Variants in WDR31 observed in about 807,000 individuals in gnomAD.
WDR31 encodes WD repeat domain 31, also known as WD repeat-containing protein 31.
WDR31 carries 30 observed loss-of-function variants against 47.3 expected under a neutral mutation model. That is an observed-to-expected ratio of 0.63 (90% CI 0.47 to 0.86). The LOEUF is 0.86. WDR31 is among the 40% of genes least tolerant of loss of function. The pLI, the probability that WDR31 is intolerant of heterozygous loss-of-function variation, is 0.00. For synonymous variants in WDR31, 137 were observed against 159.4 expected, an observed-to-expected ratio of 0.86 and a Z score of 1.06; for missense variants, 406 against 442.9, an observed-to-expected ratio of 0.92 and a Z score of 0.75.
chr9:113,339,303 G>A (rs576295689), intron 1 of WDR31, among the ~76,000 whole-genome samples: 1 of 152,320 alleles, frequency 6.6e-6, no homozygotes, highest in East Asian at 1.9e-4. Context: ...TCAGAGGGCT[G>A]TGACTTGCTG....
chr9:113,320,183 T>C (rs934525051), intron 9 of WDR31, among the ~76,000 whole-genome samples, 174 bp downstream of exon 9: 6 of 152,202 alleles, frequency 3.9e-5, no homozygotes, highest in Admixed American at 2.0e-4. Flanking sequence ...GCCTCCCCTA[T>C]GAATGTTTCT....
Position 113,320,471 on chromosome 9 carries a change from T to C in WDR31, c.666A>G (p.Val222=). 6.2e-7 allele frequency: 1 copy of C among 1,614,182 alleles called. No homozygotes were observed. Among genetic ancestry groups the C allele is most frequent in the Non-Finnish European group, 8.5e-7 (1 of 1,180,006 alleles). ...GCTGCTTTGCAGGAAACATATGAGC[T>C]ACCTGCAGCCCCCGACTGTCCCATA... ...LRLWDSRGLQ[V]AHMFPAKQHI... The change falls in exon 9 of 11, where the codon GTA becomes GTG. Residue 222 remains valine (V), a synonymous_variant. Transcript: ENST00000374193.
At chr9:113,322,768 C>A in intron 7 of WDR31, 43 bp downstream of exon 7, 3 of 1,594,620 alleles carry the variant, frequency 1.9e-6, no homozygotes, top group Non-Finnish European at 2.6e-6. Flanking sequence ...TCACCCCATG[C>A]TCCTTTCTGC....
intron 1 of WDR31, among the ~76,000 whole-genome samples, chr9:113,338,601 G>A (rs10114352): frequency 0.022 from 3,371 of 150,904 alleles, 133 homozygotes; most frequent in African/African-American, 0.077. Flanking sequence ...ATGAAGAGTC[G>A]GCTTGGTGGT....
chr9:113,320,525 G>T (rs1343422325), intron 8 of WDR31, 27 bp from the exon 9 acceptor site: 7 of 1,607,682 alleles, frequency 4.4e-6, no homozygotes, highest in Non-Finnish European at 5.1e-6. Context: ...CAGGAAATTA[G>T]CTTGTAGTAA....
chr9:113,317,305 G>C (rs1380837188), intron 10 of WDR31, among the ~76,000 whole-genome samples: 1 of 152,116 alleles, frequency 6.6e-6, no homozygotes, highest in Admixed American at 6.5e-5. Context: ...GAGGATAATG[G>C]GAGAGCCCGA....
Position 113,332,144 on chromosome 9 carries a change from ATGCTTT to A in WDR31, c.-28-100_-28-95del, listed in dbSNP as rs935270664. The A allele has an allele frequency of 5.2e-5, 46 of 880,904 alleles. No homozygotes were observed. In the African/African-American group the frequency reaches 7.1e-4, roughly 14 times the overall value. 54.6% of individuals were successfully genotyped at this position (880,904 alleles called of 1,614,324 possible). On this transcript the variant is annotated intron_variant, in intron 2 of 10. Transcript: ENST00000374193. ...ATCCTTTTTTAGACTAATTAATTGT[ATGCTTT>A]TGCTTTTCCTCCTCACCCTGCTTCA...
chr9:113,326,207 G>A (rs543139605), intron 5 of WDR31, among the ~76,000 whole-genome samples: 14 of 152,122 alleles, frequency 9.2e-5, no homozygotes, highest in African/African-American at 1.7e-4. Flanking sequence ...CACCGCACCC[G>A]GCCCATTCAC....
At chr9:113,320,296 G>C in intron 9 of WDR31, 61 bp downstream of exon 9, 2 of 1,593,004 alleles carry the variant, frequency 1.3e-6, no homozygotes, top group Non-Finnish European at 1.7e-6. Flanking sequence ...ACAGGCATGA[G>C]GCCAGAGTAA....
chr9:113,318,408 A>G (rs571845954), intron 10 of WDR31, 67 bp downstream of exon 10: 1 of 1,584,800 alleles, frequency 6.3e-7, no homozygotes, highest in African/African-American at 1.3e-5. Context: ...AATGGGAAGA[A>G]GGAGTTTTAA....
chr9:113,323,174 A>G lies in WDR31; in HGVS notation c.325-19T>C. 1.9e-6 allele frequency: 3 copies of G among 1,609,350 alleles called. No homozygotes were observed. Among genetic ancestry groups the G allele is most frequent in the African/African-American group, 2.7e-5 (2 of 74,976 alleles). The stretch of plus-strand genomic sequence containing the variant: ...AGGCTACCTGCTCAGGGAAAAAACA[A>G]CAACACTGAAATAGCTCTGGTATGC... On this transcript the variant is annotated intron_variant, in intron 5 of 10. Transcript: ENST00000374193.
At chr9:113,328,503 G>A (rs1480624340) in intron 5 of WDR31, among the ~76,000 whole-genome samples, 1 of 152,166 alleles carries the variant, frequency 6.6e-6, no homozygotes, top group African/African-American at 2.4e-5. Flanking sequence ...TTCATTAAAT[G>A]TCCCCAACTA....
At chr9:113,330,261 C>T (rs1833568076) in intron 4 of WDR31, among the ~76,000 whole-genome samples, 1 of 151,990 alleles carries the variant, frequency 6.6e-6, no homozygotes, top group South Asian at 2.1e-4. Flanking sequence ...CCATCATGCC[C>T]AGCTAATTTT....
rs12236875 is a variant in WDR31 at position 113,337,964 on chromosome 9, A to G, written c.-181-1524T>C. ...TATCAAATAGTTTGCTCAAGTTTAT[A>G]CTGCAAATAAGTGGCAGAGCTGAAA... On this transcript the variant is annotated intron_variant, in intron 1 of 10. Transcript: ENST00000374193. Among the ~76,000 whole-genome samples, 152 of 152,336 alleles carry G rather than the reference A, an allele frequency of 1.0e-3. 4 individuals are homozygous for G. In the East Asian group the frequency reaches 0.027, roughly 27 times the overall value.
rs1433224099 is a variant in WDR31, at chr9:113,318,552, C to A, written c.866G>T (p.Arg289Ile). The change falls in exon 10 of 11, where the codon AGA becomes ATA. Residue 289 changes from arginine to isoleucine, a missense_variant. Physicochemically the swap from Arg to Ile is moderately conservative, Grantham distance 97. Coordinates refer to ENST00000374193, the MANE Select transcript of WDR31 (RefSeq NM_001012361.4). ...AATTAAAGGCATCAAGGCCAATGCT[C>A]TTGGTAGAAAGACGCAGGATGCGAC... is the stretch of plus-strand genomic sequence containing the variant. ...QTVASCVFLP[R>I]ALALMPLIAT... The A allele has an allele frequency of 6.2e-7, 1 of 1,614,210 alleles. No homozygotes were observed. The highest frequency in any genetic ancestry group is 8.5e-7 in the Non-Finnish European group (1 of 1,180,038).
At chr9:113,338,372 G>C (rs970547866) in intron 1 of WDR31, among the ~76,000 whole-genome samples, 1 of 152,164 alleles carries the variant, frequency 6.6e-6, no homozygotes, top group African/African-American at 2.4e-5. Flanking sequence ...CAAAGTATAT[G>C]AATTTGGGTT....
At chr9:113,328,501 A>G (rs1418614991) in intron 5 of WDR31, among the ~76,000 whole-genome samples, 6 of 152,222 alleles carry the variant, frequency 3.9e-5, no homozygotes, top group African/African-American at 7.2e-5. Context: ...TGTTCATTAA[A>G]TGTCCCCAAC....
At chr9:113,320,103 A>G (rs1240248717) in intron 9 of WDR31, among the ~76,000 whole-genome samples, 1 of 152,100 alleles carries the variant, frequency 6.6e-6, no homozygotes, top group Non-Finnish European at 1.5e-5. Context: ...ATTTTTTTAT[A>G]GAGACAGGGT....
intron 5 of WDR31, among the ~76,000 whole-genome samples, chr9:113,323,508 C>T (rs1416927190): frequency 6.6e-6 from 1 of 152,040 alleles, no homozygotes; most frequent in Admixed American, 6.6e-5. Flanking sequence ...GTGAGCCACC[C>T]ACCTCGGCCT....
Sources: gnomAD v4.1 joint callset for allele counts (sites outside exome capture counted in the v4.1 genomes callset) on GRCh38, gnomAD v4.1.1 for gene constraint, MANE v1.5 for transcripts, NCBI Gene and HGNC (gene_info 2026-07-23, HGNC 2026-07-21) for gene names.